INSL6: variants seen among roughly 807,000 people sequenced by gnomAD.
INSL6 encodes insulin like 6.
INSL6 carries 16 observed loss-of-function variants against 9.4 expected under a neutral mutation model. The observed-to-expected ratio is 1.70, with a 90% CI of 1.15 to 2.59. The LOEUF (loss-of-function observed/expected upper bound fraction) is 2.59. Among genes scored for constraint, INSL6 ranks in the 30% most tolerant of loss-of-function variants. INSL6 has a pLI of 0.00. For missense variants in INSL6, 391 were observed against 257.3 expected (o/e 1.52, Z -3.56); for synonymous variants, 154 against 96.9 (o/e 1.59, Z -3.46).
At chr9:5,171,051 C>A (rs1564052988) in intron 1 of INSL6, among the ~76,000 whole-genome samples, 1 of 151,986 alleles carries the variant, frequency 6.6e-6, no homozygotes. Context: ...AACTTCAGGC[C>A]AATATTCCTG....
the INSL6 span, chr9:5,065,186 CATA>C: frequency 2.2e-6 from 1 of 455,516 alleles, no homozygotes; most frequent in Non-Finnish European, 3.8e-6. Flanking sequence ...AATCAGATTA[CATA>C]ATAATTAGAA....
At chr9:5,043,047 C>T in the INSL6 span, among the ~76,000 whole-genome samples, 1 of 152,184 alleles carries the variant, frequency 6.6e-6, no homozygotes, top group Non-Finnish European at 1.5e-5. Flanking sequence ...TGGAGGCGCG[C>T]GGGCTCGTGG....
chr9:5,043,793 C>T, the INSL6 span, among the ~76,000 whole-genome samples: 1 of 152,174 alleles, frequency 6.6e-6, no homozygotes, highest in Non-Finnish European at 1.5e-5. Context: ...ATGATACATG[C>T]TCTAATGTGG....
At chr9:5,111,078 A>G in the INSL6 span, 1 of 1,219,382 alleles carries the variant, frequency 8.2e-7, no homozygotes, top group Non-Finnish European at 1.2e-6. Context: ...GGCCCAGCTC[A>G]GGCTCCTGGG....
At chr9:5,169,065 T>C (rs1416000686) in intron 1 of INSL6, among the ~76,000 whole-genome samples, 2 of 152,084 alleles carry the variant, frequency 1.3e-5, no homozygotes, top group African/African-American at 4.8e-5. Context: ...TCCCTGGGAT[T>C]AGAGGCATGC....
intron 2 of INSL6, among the ~76,000 whole-genome samples, chr9:5,141,707 A>G (rs1019802857): frequency 3.3e-5 from 5 of 152,200 alleles, no homozygotes; most frequent in Non-Finnish European, 5.9e-5. Context: ...TGCTGGGCAG[A>G]AGCTCTTTAG....
At chr9:5,127,027 A>T (rs1318307227) in intron 3 of INSL6, 1 of 303,232 alleles carries the variant, frequency 3.3e-6, no homozygotes, top group East Asian at 5.1e-5. Flanking sequence ...GAAGTTTCTT[A>T]AACATTGTCA....
the INSL6 span, among the ~76,000 whole-genome samples, chr9:5,004,932 T>C: frequency 6.6e-6 from 1 of 150,894 alleles, no homozygotes; most frequent in Non-Finnish European, 1.5e-5. Context: ...TTTTTTTTTT[T>C]TTGAGACAGA....
chr9:5,141,950 C>T (rs189966416), intron 2 of INSL6, among the ~76,000 whole-genome samples: 60 of 152,242 alleles, frequency 3.9e-4, no homozygotes, highest in Non-Finnish European at 1.5e-5. Context: ...CAAGTTATCC[C>T]AGGAGGATTT....
the INSL6 span, among the ~76,000 whole-genome samples, chr9:5,074,580 G>A: frequency 3.5e-3 from 533 of 152,326 alleles, 4 homozygotes; most frequent in African/African-American, 0.013. Flanking sequence ...GATGAATGCA[G>A]TGTGTGCTCT....
chr9:5,084,664 C>T, the INSL6 span, among the ~76,000 whole-genome samples: 1 of 152,084 alleles, frequency 6.6e-6, no homozygotes, highest in East Asian at 1.9e-4. Context: ...CTCATGCCCA[C>T]ATATACTTAT....
chr9:5,143,392 A>C (rs1824540163), intron 2 of INSL6, among the ~76,000 whole-genome samples: 1 of 151,858 alleles, frequency 6.6e-6, no homozygotes, highest in Admixed American at 6.6e-5. Context: ...TCAGGGATTC[A>C]ATTTCTTCCT....
At chr9:5,166,571 T>C (rs1825056347) in intron 1 of INSL6, among the ~76,000 whole-genome samples, 1 of 152,128 alleles carries the variant, frequency 6.6e-6, no homozygotes, top group African/African-American at 2.4e-5. Context: ...AAAGATTAAA[T>C]GGATGAATTC....
At chr9:5,025,483 T>G in the INSL6 span, among the ~76,000 whole-genome samples, 2 of 152,012 alleles carry the variant, frequency 1.3e-5, no homozygotes, top group Non-Finnish European at 2.9e-5. Flanking sequence ...TCTGTCTCTT[T>G]CTTGCTCCTT....
chr9:5,147,238 G>C (rs1194111603), intron 2 of INSL6, among the ~76,000 whole-genome samples: 1 of 152,128 alleles, frequency 6.6e-6, no homozygotes, highest in Non-Finnish European at 1.5e-5. Flanking sequence ...CTGTGCTGTG[G>C]AACTAAACCA....
chr9:5,104,346 C>A, the INSL6 span, among the ~76,000 whole-genome samples: 1 of 152,058 alleles, frequency 6.6e-6, no homozygotes, highest in Admixed American at 6.6e-5. Flanking sequence ...CACATACACC[C>A]TCCCAAGACT....
the INSL6 span, among the ~76,000 whole-genome samples, chr9:5,067,215 TAACA>T: frequency 5.5e-3 from 837 of 152,234 alleles, 9 homozygotes; most frequent in African/African-American, 0.019. Context: ...ACTAGGTCAA[TAACA>T]AACAAATAGA....
At chr9:5,055,448 G>T in the INSL6 span, among the ~76,000 whole-genome samples, 1 of 151,974 alleles carries the variant, frequency 6.6e-6, no homozygotes, top group Non-Finnish European at 1.5e-5. Flanking sequence ...GCACATTTTA[G>T]ATTCCTGGCA....
At chr9:5,038,487 C>T in the INSL6 span, among the ~76,000 whole-genome samples, 1 of 151,854 alleles carries the variant, frequency 6.6e-6, no homozygotes, top group African/African-American at 2.4e-5. Context: ...AACTACAGAC[C>T]AATGTTGTAG....
Sources: allele counts gnomAD v4.1 joint callset (sites outside exome capture counted in the v4.1 genomes callset), GRCh38; gene constraint gnomAD v4.1.1; transcripts MANE v1.5; gene names NCBI Gene and HGNC (gene_info 2026-07-23, HGNC 2026-07-21).